EXOC6: variants seen among roughly 807,000 people sequenced by gnomAD.
The protein encoded by EXOC6 is exocyst complex component 6, also known as SEC15-like 1.
A neutral mutation model predicts 112.5 loss-of-function variants in EXOC6; 60 were observed. The observed-to-expected ratio is 0.53, with a 90% confidence interval of 0.43 to 0.66. EXOC6 has a LOEUF of 0.66. Among genes scored for constraint, EXOC6 ranks in the 30% least tolerant of loss-of-function variants. The pLI is 0.00. For synonymous variants in EXOC6, 295 were observed against 308.0 expected, an observed-to-expected ratio of 0.96 and a Z score of 0.44; for missense variants, 855 against 957.1, an observed-to-expected ratio of 0.89 and a Z score of 1.41.
chr10:93,051,339 A>G (rs983830205), intron 20 of EXOC6, among the ~76,000 whole-genome samples: 8 of 152,354 alleles, frequency 5.3e-5, no homozygotes, highest in Admixed American at 5.2e-4. Context: ...CCTAGTCCTC[A>G]CAGAGGTGGG....
chr10:92,997,210 T>C (rs943673447), intron 18 of EXOC6, among the ~76,000 whole-genome samples: 6 of 152,188 alleles, frequency 3.9e-5, no homozygotes, highest in South Asian at 2.1e-4. Context: ...AGTTTTTAAC[T>C]GGTATTTTAA....
At position 92,971,892 on chromosome 10, in the gene EXOC6, A is replaced by G. The variant is rs370192451; in HGVS notation, c.1774-2161A>G. Among the ~76,000 whole-genome samples the G allele has an allele frequency of 2.6e-5, 4 of 152,204 alleles. No homozygotes were observed. The East Asian group carries it at 7.7e-4, about 29-fold the overall frequency. On this transcript the variant is annotated intron_variant, in intron 17 of 21. Coordinates refer to ENST00000260762, the MANE Select transcript of EXOC6 (RefSeq NM_019053.6). ...ATTTTTTGTTGATAACTGTACATTTATAATAATATAAGATGACAACTTTGG... is the reference window on the plus strand; with the variant it reads ...ATTTTTTGTTGATAACTGTACATTTGTAATAATATAAGATGACAACTTTGG...
intron 18 of EXOC6, among the ~76,000 whole-genome samples, chr10:92,991,077 A>G (rs1843215319): frequency 6.6e-6 from 1 of 151,360 alleles, no homozygotes; most frequent in Non-Finnish European, 1.5e-5. Context: ...CTAATTAATG[A>G]TTATATGTAA....
At chr10:92,914,023 C>G (rs572045788) in intron 6 of EXOC6, among the ~76,000 whole-genome samples, 1 of 152,270 alleles carries the variant, frequency 6.6e-6, no homozygotes, top group African/African-American at 2.4e-5. Flanking sequence ...TAATATTGCT[C>G]TCTAGGGCAG....
chr10:92,844,494 G>A (rs1257124725), upstream of EXOC6, among the ~76,000 whole-genome samples: 3 of 152,080 alleles, frequency 2.0e-5, no homozygotes, highest in Non-Finnish European at 2.9e-5. Flanking sequence ...CCAAAGACAT[G>A]TTCCTGTTTC....
At chr10:92,875,776 G>A (rs894362494) in intron 1 of EXOC6, among the ~76,000 whole-genome samples, 2 of 152,012 alleles carry the variant, frequency 1.3e-5, no homozygotes, top group Non-Finnish European at 2.9e-5. Context: ...ATTGAGCAAA[G>A]TTATGTTATT....
intron 11 of EXOC6, among the ~76,000 whole-genome samples, chr10:92,935,376 A>G (rs889687880): frequency 2.0e-5 from 3 of 152,112 alleles, no homozygotes; most frequent in Non-Finnish European, 2.9e-5. Flanking sequence ...TATGACAGGG[A>G]CAGAGTAAAT....
intron 5 of EXOC6, among the ~76,000 whole-genome samples, chr10:92,903,155 A>T (rs1370883131): frequency 1.3e-5 from 2 of 152,056 alleles, no homozygotes; most frequent in Non-Finnish European, 2.9e-5. Context: ...AATAGACTTT[A>T]AAAATATAAT....
chr10:93,023,491 A>G (rs1844880637), intron 20 of EXOC6, among the ~76,000 whole-genome samples: 1 of 152,224 alleles, frequency 6.6e-6, no homozygotes, highest in Non-Finnish European at 1.5e-5. Context: ...CTACTGCTCT[A>G]GTAGACAATG....
intron 5 of EXOC6, among the ~76,000 whole-genome samples, chr10:92,905,841 G>A (rs1423266941): frequency 1.3e-5 from 2 of 152,082 alleles, no homozygotes; most frequent in Admixed American, 6.6e-5. Flanking sequence ...TTCTGTCAAT[G>A]CCAATTAGAT....
At chr10:93,046,340 T>C (rs1173829094) in intron 20 of EXOC6, among the ~76,000 whole-genome samples, 1 of 152,256 alleles carries the variant, frequency 6.6e-6, no homozygotes, top group Non-Finnish European at 1.5e-5. Flanking sequence ...TTTGATTCTT[T>C]GGTGGATACA....
intron 1 of EXOC6, among the ~76,000 whole-genome samples, chr10:92,859,307 T>G (rs1286931841): frequency 6.6e-6 from 1 of 152,166 alleles, no homozygotes; most frequent in African/African-American, 2.4e-5. Flanking sequence ...CTGATGTTGC[T>G]CCTCAGAGTG....
At chr10:93,021,280 G>A (rs1471166143) in intron 20 of EXOC6, among the ~76,000 whole-genome samples, 1 of 152,004 alleles carries the variant, frequency 6.6e-6, no homozygotes, top group East Asian at 1.9e-4. Context: ...CGGGTGTCAA[G>A]ACCAGTCTGG....
chr10:92,929,687 A>G (rs1191638831), intron 9 of EXOC6, among the ~76,000 whole-genome samples: 1 of 152,248 alleles, frequency 6.6e-6, no homozygotes, highest in Non-Finnish European at 1.5e-5. Context: ...TAGAATATCT[A>G]GAAATTAAAT....
chr10:92,959,628 T>G (rs1853877956), intron 17 of EXOC6, among the ~76,000 whole-genome samples: 1 of 152,210 alleles, frequency 6.6e-6, no homozygotes, highest in South Asian at 2.1e-4. Context: ...AAAGGACTCT[T>G]GTCTGAAATT....
intron 20 of EXOC6, among the ~76,000 whole-genome samples, chr10:93,036,751 A>G (rs1845533626): frequency 6.6e-6 from 1 of 152,224 alleles, no homozygotes; most frequent in African/African-American, 2.4e-5. Flanking sequence ...AAATTAAGTC[A>G]TTTAAGTTTG....
In EXOC6 at chr10:92,996,946, G is replaced by C. The variant is rs189309530; in HGVS notation, c.1954-528G>C. 6.8e-4 allele frequency among the ~76,000 whole-genome samples: 103 copies of C among 152,130 alleles called. 2 individuals are homozygous for C. The highest frequency in any genetic ancestry group is 2.4e-3 in the African/African-American group (99 of 41,524). ...TGCCAGTGATTGAAGCTATGCTATAGACTAATGTTCTGATTAGAAGTAAGG... is the reference window on the plus strand; with the variant it reads ...TGCCAGTGATTGAAGCTATGCTATACACTAATGTTCTGATTAGAAGTAAGG... On this transcript the variant is annotated intron_variant, in intron 18 of 21. Transcript: ENST00000260762.
At chr10:93,051,801 T>G in intron 20 of EXOC6, among the ~76,000 whole-genome samples, 1 of 152,212 alleles carries the variant, frequency 6.6e-6, no homozygotes, top group East Asian at 1.9e-4. Context: ...TACTAGGGTT[T>G]AGGACTTTTG....
At chr10:92,888,540 T>G (rs868602423) in intron 1 of EXOC6, among the ~76,000 whole-genome samples, 19 of 152,368 alleles carry the variant, frequency 1.2e-4, no homozygotes, top group Middle Eastern at 3.4e-3. Flanking sequence ...AAATCCTCCC[T>G]TGAAGGGACT....
Sources: gnomAD v4.1 joint callset for allele counts (sites outside exome capture counted in the v4.1 genomes callset) on GRCh38, gnomAD v4.1.1 for gene constraint, MANE v1.5 for transcripts, NCBI Gene and HGNC (gene_info 2026-07-23, HGNC 2026-07-21) for gene names.